KCNJ10: variants seen among roughly 807,000 people sequenced by gnomAD.
The protein encoded by KCNJ10 is potassium inwardly rectifying channel subfamily J member 10.
Under a neutral mutation model 22.2 loss-of-function variants are expected in KCNJ10, and 9 were observed. The observed-to-expected ratio is 0.40, with a 90% CI of 0.24 to 0.71. KCNJ10 has a LOEUF of 0.71. Among genes scored for constraint, KCNJ10 ranks in the 30% least tolerant of loss-of-function variants. KCNJ10 has a pLI of 0.35. For missense variants in KCNJ10, 337 were observed against 482.7 expected (o/e 0.70, Z 2.83); for synonymous variants, 184 against 187.3 (o/e 0.98, Z 0.15).
At chr1:160,044,950 C>G (rs975419440) in intron 1 of KCNJ10, 1 of 152,212 alleles carries the variant, frequency 6.6e-6, no homozygotes, top group Admixed American at 6.5e-5. Flanking sequence ...GAGTTGGAGG[C>G]TGCAGAGAGC....
At chr1:160,044,688 A>T (rs1044732006) in intron 1 of KCNJ10, 5 of 152,208 alleles carry the variant, frequency 3.3e-5, no homozygotes, top group African/African-American at 4.8e-5. Context: ...AATAGGACCC[A>T]GTGTGGATTT....
At chr1:160,059,225 C>T (rs1360041326) in intron 1 of KCNJ10, among the ~76,000 whole-genome samples, 1 of 152,202 alleles carries the variant, frequency 6.6e-6, no homozygotes, top group Non-Finnish European at 1.5e-5. Flanking sequence ...CTGGGCTTCT[C>T]AACTTGCTAC....
chr1:160,052,085 A>T (rs1335895345), intron 1 of KCNJ10, among the ~76,000 whole-genome samples: 2 of 152,112 alleles, frequency 1.3e-5, no homozygotes. Context: ...GTCCATATTA[A>T]TAGAGATATT....
intron 1 of KCNJ10, among the ~76,000 whole-genome samples, chr1:160,053,775 T>C (rs1312900732): frequency 6.6e-6 from 1 of 152,166 alleles, no homozygotes; most frequent in Non-Finnish European, 1.5e-5. Context: ...TCTTCTCTTG[T>C]GTCAACGTTT....
At chr1:160,068,946 G>C (rs1444459224) in intron 1 of KCNJ10, among the ~76,000 whole-genome samples, 1 of 152,126 alleles carries the variant, frequency 6.6e-6, no homozygotes, top group Admixed American at 6.5e-5. Context: ...TCCCACCCAG[G>C]CAGCCTAAAG....
intron 1 of KCNJ10, among the ~76,000 whole-genome samples, chr1:160,044,498 A>G (rs1477091761): frequency 1.3e-5 from 2 of 152,252 alleles, no homozygotes; most frequent in Non-Finnish European, 2.9e-5. Flanking sequence ...ATTTTGAGGA[A>G]TGAGAACAGA....
intron 1 of KCNJ10, among the ~76,000 whole-genome samples, chr1:160,044,388 A>C (rs775566312): frequency 2.0e-5 from 3 of 152,148 alleles, no homozygotes; most frequent in Non-Finnish European, 4.4e-5. Context: ...CATAACAACC[A>C]TACTGCCTGT....
intron 1 of KCNJ10, among the ~76,000 whole-genome samples, chr1:160,054,430 A>C (rs1260426049): frequency 1.3e-5 from 2 of 152,220 alleles, no homozygotes; most frequent in Non-Finnish European, 2.9e-5. Flanking sequence ...GGAGATGTTA[A>C]CCCATCCCTC....
At chr1:160,069,970 G>T (rs1226841456) in intron 1 of KCNJ10, 52 bp downstream of exon 1, 1 of 152,712 alleles carries the variant, frequency 6.5e-6, no homozygotes, top group Non-Finnish European at 1.5e-5. Context: ...GAGTTAGGGG[G>T]ACAGGACCCG....
chr1:160,041,207 AGG>A lies in KCNJ10; in HGVS notation c.*184_*185del, dbSNP rs1456188862. ...TGGGGCAGAAGCTGGGGAAGTGGAA[AGG>A]GGACAGTGGGAGGCGAACCTGGACT... is the stretch of plus-strand genomic sequence containing the variant. On this transcript the variant is annotated 3_prime_UTR_variant, in exon 2 of 2. Transcript: ENST00000644903. This position sits in a 1 kb window ranked among gnomAD's most constrained non-coding sequence, Gnocchi z 4.4. 6.3e-6 allele frequency: 4 copies of A among 632,200 alleles called. No homozygotes were observed. The highest frequency in any genetic ancestry group is 2.8e-6 in the Non-Finnish European group (1 of 354,042). 39.2% of individuals were successfully genotyped at this position (632,200 alleles called of 1,614,324 possible). A position where few individuals can be genotyped will look rare whatever the true frequency, so the allele number is the denominator to read the frequency against.
intron 1 of KCNJ10, among the ~76,000 whole-genome samples, chr1:160,050,912 A>G (rs1030654039): frequency 2.0e-5 from 3 of 151,838 alleles, no homozygotes; most frequent in Non-Finnish European, 4.4e-5. Context: ...GGCTTCCTCC[A>G]TGGTGCTCCA....
chr1:160,046,651 A>G (rs1356557778), intron 1 of KCNJ10, among the ~76,000 whole-genome samples: 1 of 152,048 alleles, frequency 6.6e-6, no homozygotes, highest in Non-Finnish European at 1.5e-5. Context: ...TCCAGCTGTT[A>G]TCTGCTGCTC....
chr1:160,048,016 C>G (rs999756128), intron 1 of KCNJ10, among the ~76,000 whole-genome samples: 5 of 152,238 alleles, frequency 3.3e-5, no homozygotes, highest in Admixed American at 2.6e-4. Context: ...GCTGGGATTA[C>G]AGGTGTGAGC....
chr1:160,042,542 G>A lies in KCNJ10; in HGVS notation c.1-10C>T, dbSNP rs746204088. 2 of 1,612,970 alleles carry A rather than the reference G, an allele frequency of 1.2e-6. No homozygotes were observed. Among genetic ancestry groups the A allele is most frequent in the East Asian group, 2.2e-5 (1 of 44,894 alleles). On this transcript the variant is annotated splice_polypyrimidine_tract_variant and intron_variant, in intron 1 of 1. Transcript: ENST00000644903. Reference sequence around the variant, plus strand: ...TGGCAACTGACGTCATCTGGAGGGAGCAAGACAGCATAATGGAGGTTATCG... The same window carrying A: ...TGGCAACTGACGTCATCTGGAGGGAACAAGACAGCATAATGGAGGTTATCG...
chr1:160,045,841 G>T (rs771847854), intron 1 of KCNJ10, among the ~76,000 whole-genome samples: 1 of 152,220 alleles, frequency 6.6e-6, no homozygotes, highest in Non-Finnish European at 1.5e-5. Context: ...GGACTATCAC[G>T]TGATCAAAGG....
intron 1 of KCNJ10, among the ~76,000 whole-genome samples, chr1:160,055,686 C>T (rs1416788764): frequency 6.6e-6 from 1 of 152,150 alleles, no homozygotes; most frequent in Non-Finnish European, 1.5e-5. Context: ...CATGTGTGCA[C>T]AGTCTCACTG....
In KCNJ10 at chr1:160,043,486, G is replaced by T. The variant is rs1231820185; in HGVS notation, c.1-954C>A. Reference sequence around the variant, plus strand: ...TTATCATCATCATCATCATCTGTTTGCATCATCTGGGGAAATTTGGTCTGA... The same window carrying T: ...TTATCATCATCATCATCATCTGTTTTCATCATCTGGGGAAATTTGGTCTGA... On this transcript the variant is annotated intron_variant, in intron 1 of 1. Transcript: ENST00000644903. 2.0e-5 allele frequency among the ~76,000 whole-genome samples: 3 copies of T among 152,142 alleles called. No individual in the cohort carries two copies. The East Asian group carries it at 5.8e-4, about 29-fold the overall frequency.
chr1:160,052,883 A>G (rs1227052134), intron 1 of KCNJ10, among the ~76,000 whole-genome samples: 1 of 152,216 alleles, frequency 6.6e-6, no homozygotes, highest in Non-Finnish European at 1.5e-5. Context: ...AATTTAGTAT[A>G]TTTCCTGAAG....
chr1:160,065,369 G>T lies in KCNJ10; in HGVS notation c.-1+4653C>A, dbSNP rs934502864. The stretch of plus-strand genomic sequence containing the variant: ...CTGTGTCTTAGGAGGCAGGCCCTTT[G>T]CTGGGTGCCAGAGGGTCCAGAGAGA... On this transcript the variant is annotated intron_variant, in intron 1 of 1. Coordinates refer to ENST00000644903, the MANE Select transcript of KCNJ10 (RefSeq NM_002241.5). 3.2e-4 allele frequency among the ~76,000 whole-genome samples: 48 copies of T among 152,114 alleles called. 1 individual carries two copies. The highest frequency in any genetic ancestry group is 3.1e-3 in the Admixed American group (48 of 15,272).
Sources: gnomAD v4.1 joint callset for allele counts (sites outside exome capture counted in the v4.1 genomes callset) on GRCh38, gnomAD v4.1.1 for gene constraint, Gnocchi (gnomAD v3.1) non-coding constraint, MANE v1.5 for transcripts, NCBI Gene and HGNC (gene_info 2026-07-23, HGNC 2026-07-21) for gene names.